NEMP2: variants seen among roughly 807,000 people sequenced by gnomAD.
NEMP2 encodes nuclear envelope integral membrane protein 2.
NEMP2 carries 53 observed loss-of-function variants against 54.2 expected under a neutral mutation model. The ratio of observed to expected loss-of-function variants is 0.98; its 90% CI spans 0.78 to 1.23. The LOEUF (loss-of-function observed/expected upper bound fraction) is 1.23. Ranked by LOEUF, NEMP2 falls within the 50% of genes most tolerant of loss-of-function variation. The pLI, the probability that NEMP2 is intolerant of heterozygous loss-of-function variation, is 0.00. For missense variants in NEMP2, 455 were observed against 511.3 expected (o/e 0.89, Z 1.06); for synonymous variants, 197 against 190.3 (o/e 1.04, Z -0.29).
At chr2:190,594,560 A>G in the NEMP2 span, among the ~76,000 whole-genome samples, 1 of 152,128 alleles carries the variant, frequency 6.6e-6, no homozygotes, top group African/African-American at 2.4e-5. This position sits in a 1 kb window ranked among gnomAD's most constrained non-coding sequence, Gnocchi z 5.6. Flanking sequence ...GGTATTCAAA[A>G]AATATTTATA....
At chr2:190,476,425 T>A in the NEMP2 span, among the ~76,000 whole-genome samples, 1 of 152,192 alleles carries the variant, frequency 6.6e-6, no homozygotes, top group Non-Finnish European at 1.5e-5. Context: ...AAAGAAGACA[T>A]TTATGCAGCC....
the NEMP2 span, among the ~76,000 whole-genome samples, chr2:190,466,146 A>G: frequency 6.6e-6 from 1 of 152,240 alleles, no homozygotes. Context: ...CACCAGTTAT[A>G]TTGGATTAGG....
chr2:190,591,474 CGT>C, the NEMP2 span, among the ~76,000 whole-genome samples: 3 of 151,614 alleles, frequency 2.0e-5, no homozygotes, highest in Non-Finnish European at 4.4e-5. This position sits in a 1 kb window ranked among gnomAD's most constrained non-coding sequence, Gnocchi z 5.4. Flanking sequence ...GCTTGCTCTG[CGT>C]GTGTGTGCGT....
chr2:190,481,564 T>G, the NEMP2 span, among the ~76,000 whole-genome samples: 8 of 152,218 alleles, frequency 5.3e-5, no homozygotes, highest in Admixed American at 4.6e-4. Context: ...GAGCTCAGTC[T>G]GCGTCCCCTT....
chr2:190,537,433 G>A (rs751922626), upstream of NEMP2, among the ~76,000 whole-genome samples: 22 of 152,146 alleles, frequency 1.4e-4, no homozygotes, highest in South Asian at 2.1e-4. Flanking sequence ...GAAATCTGAC[G>A]GTTTTATAAG....
At chr2:190,618,131 C>T in the NEMP2 span, among the ~76,000 whole-genome samples, 1 of 152,340 alleles carries the variant, frequency 6.6e-6, no homozygotes, top group African/African-American at 2.4e-5. Context: ...AGCAGGTTCT[C>T]TACTTTGCTT....
At chr2:190,623,287 T>C in the NEMP2 span, among the ~76,000 whole-genome samples, 3 of 151,840 alleles carry the variant, frequency 2.0e-5, no homozygotes, top group Non-Finnish European at 2.9e-5. Flanking sequence ...AAAATACCAA[T>C]GACATTCATC....
chr2:190,616,975 A>C, the NEMP2 span: 1 of 152,040 alleles, frequency 6.6e-6, no homozygotes, highest in African/African-American at 2.4e-5. This position sits in a 1 kb window ranked among gnomAD's most constrained non-coding sequence, Gnocchi z 5.1. Context: ...AAAAGGAAAA[A>C]AAAGGCAGGT....
chr2:190,641,134 T>TC, the NEMP2 span: 137,310 of 152,232 alleles, frequency 0.9, 62,503 homozygotes, highest in East Asian at 1. Flanking sequence ...CCATTTTTTT[T>TC]AGGGGAGCCC....
At chr2:190,640,912 G>A in the NEMP2 span, 1 of 141,850 alleles carries the variant, frequency 7.0e-6, no homozygotes, top group African/African-American at 2.6e-5. Flanking sequence ...GGTAGTTTTT[G>A]AACCCATTCT....
At chr2:190,593,896 C>T in the NEMP2 span, among the ~76,000 whole-genome samples, 2 of 152,324 alleles carry the variant, frequency 1.3e-5, no homozygotes, top group Non-Finnish European at 2.9e-5. The surrounding 1 kb of genome is among the most constrained non-coding windows in gnomAD (Gnocchi z 4.5). Context: ...CCTGCCTATA[C>T]TCTTGTTTCC....
At chr2:190,546,117 G>A in the NEMP2 span, among the ~76,000 whole-genome samples, 6 of 152,202 alleles carry the variant, frequency 3.9e-5, no homozygotes, top group Admixed American at 1.3e-4. This position sits in a 1 kb window ranked among gnomAD's most constrained non-coding sequence, Gnocchi z 5.1. Flanking sequence ...AAAAGAAACC[G>A]TGGAAAGTGG....
the NEMP2 span, among the ~76,000 whole-genome samples, chr2:190,631,958 A>C: frequency 6.6e-6 from 1 of 152,236 alleles, no homozygotes; most frequent in Admixed American, 6.5e-5. Flanking sequence ...CGGGAGGCTG[A>C]GGTGGGAGAA....
the NEMP2 span, among the ~76,000 whole-genome samples, chr2:190,453,294 G>C: frequency 0.011 from 1,651 of 152,174 alleles, 33 homozygotes; most frequent in African/African-American, 0.037. Flanking sequence ...TGTGGGCTCT[G>C]GGTAGGGGAA....
chr2:190,545,059 C>G, the NEMP2 span, among the ~76,000 whole-genome samples: 2 of 152,008 alleles, frequency 1.3e-5, no homozygotes, highest in Non-Finnish European at 2.9e-5. Flanking sequence ...TATGATTACG[C>G]CACTGCATTC....
chr2:190,517,400 A>G (rs1267580144), intron 5 of NEMP2, 120 bp downstream of exon 5: 3 of 699,228 alleles, frequency 4.3e-6, no homozygotes, highest in African/African-American at 1.9e-5. Flanking sequence ...GCCAGTTTAC[A>G]TAATGAAGAA....
the NEMP2 span, among the ~76,000 whole-genome samples, chr2:190,573,972 C>G: frequency 6.6e-6 from 1 of 152,128 alleles, no homozygotes; most frequent in Admixed American, 6.5e-5. Flanking sequence ...GGAGAAAAAA[C>G]AAAGCTTGGA....
chr2:190,431,832 T>G, the NEMP2 span, among the ~76,000 whole-genome samples: 1 of 152,274 alleles, frequency 6.6e-6, no homozygotes, highest in African/African-American at 2.4e-5. This position sits in a 1 kb window ranked among gnomAD's most constrained non-coding sequence, Gnocchi z 4.4. Flanking sequence ...ATTTATGCTA[T>G]AATACTTATA....
chr2:190,437,359 A>G, the NEMP2 span: 1 of 1,614,140 alleles, frequency 6.2e-7, no homozygotes, highest in South Asian at 1.1e-5. This position sits in a 1 kb window ranked among gnomAD's most constrained non-coding sequence, Gnocchi z 5.9. Flanking sequence ...GCTGCTCTGC[A>G]GCGTGCAGTA....
Sources: gnomAD v4.1 joint callset for allele counts (sites outside exome capture counted in the v4.1 genomes callset) on GRCh38, gnomAD v4.1.1 for gene constraint, Gnocchi (gnomAD v3.1) non-coding constraint, MANE v1.5 for transcripts, NCBI Gene and HGNC (gene_info 2026-07-23, HGNC 2026-07-21) for gene names.